The following AHCY variants were observed in gnomAD, a reference collection of about 807,000 sequenced individuals.
AHCY encodes S-adenosyl-L-homocysteine hydrolase.
A neutral mutation model predicts 45.4 loss-of-function variants in AHCY; 24 were observed. The observed-to-expected ratio is 0.53, with a 90% CI of 0.38 to 0.74. The LOEUF (loss-of-function observed/expected upper bound fraction) is 0.74, where lower values mean the gene tolerates loss of function less well. Among genes scored for constraint, AHCY ranks in the 30% least tolerant of loss-of-function variants. AHCY has a pLI of 0.00. For missense variants in AHCY, 449 were observed against 594.1 expected (o/e 0.76, Z 2.54); for synonymous variants, 245 against 235.1 (o/e 1.04, Z -0.39).
chr20:34,252,090 G>A, the AHCY span, among the ~76,000 whole-genome samples: 2 of 152,210 alleles, frequency 1.3e-5, no homozygotes, highest in Non-Finnish European at 2.9e-5. Context: ...TCTATAGTGA[G>A]TCATATAGTC....
Position 34,280,683 on chromosome 20 carries a change from G to C in AHCY, c.*351C>G. On this transcript the variant is annotated 3_prime_UTR_variant, in exon 10 of 10. Coordinates refer to ENST00000217426, the MANE Select transcript of AHCY (RefSeq NM_000687.4). ...CCAAGCACACAGGTATAAGTCCACA[G>C]ACCAGGTGAAGGCCTAGATGGCAAA... 5 of 370,768 alleles carry C rather than the reference G, an allele frequency of 1.3e-5. No homozygotes were observed. The highest frequency in any genetic ancestry group is 1.2e-4 in the South Asian group (5 of 42,954). The allele number at this position is 370,768 out of a possible 1,614,324, so 23.0% of individuals were successfully genotyped here.
the AHCY span, among the ~76,000 whole-genome samples, chr20:34,237,373 C>G: frequency 6.6e-6 from 1 of 152,146 alleles, no homozygotes; most frequent in African/African-American, 2.4e-5. Context: ...TGTCATTGTA[C>G]ACATCTTTCA....
At chr20:34,235,726 G>A in the AHCY span, among the ~76,000 whole-genome samples, 1 of 147,362 alleles carries the variant, frequency 6.8e-6, no homozygotes, top group Admixed American at 6.9e-5. Context: ...CGTGGCTGAA[G>A]TGGGCTCATG....
At position 34,285,604 on chromosome 20, in the gene AHCY, G is replaced by A. The variant is rs565486330; in HGVS notation, c.1003C>T (p.Arg335Cys). Reference protein sequence around the residue: ...VDRYRLKNGRRIILLAEGRLV... With the variant: ...VDRYRLKNGRCIILLAEGRLV... ...CGACCCTCGGCCAGCAGGATGATGC[G>A]GCGCCCATTCTTCAACCGATACCGG... The change falls in exon 9 of 10, where the codon CGC becomes TGC. Residue 335 changes from arginine to cysteine, a missense_variant. Coordinates refer to ENST00000217426, the MANE Select transcript of AHCY (RefSeq NM_000687.4). The A allele has an allele frequency of 1.6e-4, 255 of 1,613,932 alleles. 2 individuals carry two copies. In the South Asian group the frequency reaches 2.4e-3, roughly 15 times the overall value.
intron 3 of AHCY, chr20:34,293,586 T>C: frequency 3.6e-6 from 1 of 274,280 alleles, no homozygotes. Flanking sequence ...CTGTGGTTGG[T>C]TAGAAGCAAT....
rs767274069 is a variant in AHCY, at chr20:34,285,580, G to A, written c.1027C>T (p.Arg343Trp). The A allele has an allele frequency of 1.9e-6, 3 of 1,614,098 alleles. No individual in the cohort carries two copies. The highest frequency in any genetic ancestry group is 2.2e-5 in the East Asian group (1 of 44,880). ...GRRIILLAEGRLVNLGCAMGH... is the reference protein window; with the variant it reads ...GRRIILLAEGWLVNLGCAMGH... ...ATGGCACAACCCAGGTTGACCAGCC[G>A]ACCCTCGGCCAGCAGGATGATGCGG... The change falls in exon 9 of 10, where the codon CGG becomes TGG. Residue 343 changes from arginine (R) to tryptophan (W), a missense_variant. By Grantham distance (101) the Arg-to-Trp change is moderately radical. Coordinates refer to ENST00000217426, the MANE Select transcript of AHCY (RefSeq NM_000687.4).
chr20:34,234,160 T>C, the AHCY span, among the ~76,000 whole-genome samples: 4 of 152,138 alleles, frequency 2.6e-5, no homozygotes, highest in African/African-American at 4.8e-5. Context: ...TTCTAGTTGG[T>C]CTCATCAGAG....
chr20:34,234,308 T>A, the AHCY span, among the ~76,000 whole-genome samples: 1 of 152,160 alleles, frequency 6.6e-6, no homozygotes, highest in Non-Finnish European at 1.5e-5. Context: ...ACAAGACCAC[T>A]AGTGCCTAAG....
chr20:34,263,870 C>T, the AHCY span, among the ~76,000 whole-genome samples: 158 of 151,772 alleles, frequency 1.0e-3, 1 homozygote, highest in African/African-American at 3.8e-3. Flanking sequence ...GGGGTTTCGC[C>T]AAGTTTGTCA....
intron 3 of AHCY, among the ~76,000 whole-genome samples, chr20:34,292,769 A>G (rs2036442169): frequency 6.6e-6 from 1 of 152,236 alleles, no homozygotes; most frequent in Admixed American, 6.5e-5. Context: ...CTCTGTAAAT[A>G]GGGCTCACAA....
the AHCY span, among the ~76,000 whole-genome samples, chr20:34,257,545 T>C: frequency 6.6e-6 from 1 of 152,114 alleles, no homozygotes; most frequent in African/African-American, 2.4e-5. Context: ...TTTAAATATA[T>C]ATTTAATTTT....
the AHCY span, among the ~76,000 whole-genome samples, chr20:34,258,736 A>G: frequency 3.4e-5 from 3 of 89,440 alleles, no homozygotes; most frequent in African/African-American, 9.2e-5. Context: ...TATATATAGT[A>G]TATATATACT....
At chr20:34,307,864 T>C (rs1397103213), upstream of AHCY, among the ~76,000 whole-genome samples, 1 of 152,074 alleles carries the variant, frequency 6.6e-6, no homozygotes, top group Non-Finnish European at 1.5e-5. Flanking sequence ...AACTGGTGAG[T>C]TGGGGGTTTG....
the AHCY span, chr20:34,260,369 C>T: frequency 6.2e-7 from 1 of 1,612,866 alleles, no homozygotes; most frequent in East Asian, 2.2e-5. Flanking sequence ...ACTCAGGCCT[C>T]CTGGGATGGA....
At chr20:34,260,332 C>T in the AHCY span, 1 of 1,593,170 alleles carries the variant, frequency 6.3e-7, no homozygotes, top group Non-Finnish European at 8.6e-7. Context: ...ACCCCTGACC[C>T]ACCCACCTGA....
At chr20:34,286,891 T>C (rs2122737734) in intron 8 of AHCY, among the ~76,000 whole-genome samples, 1 of 150,908 alleles carries the variant, frequency 6.6e-6, no homozygotes, top group South Asian at 2.1e-4. Context: ...GAGACTCCTA[T>C]TCCTGTGGCC....
the AHCY span, among the ~76,000 whole-genome samples, chr20:34,258,326 T>TA: frequency 6.7e-5 from 10 of 149,692 alleles, no homozygotes; most frequent in African/African-American, 2.5e-4. Flanking sequence ...GTGGAACACA[T>TA]AGGGTCTCCG....
chr20:34,311,375 C>G (rs1051947847), intron 1 of AHCY: 2 of 152,300 alleles, frequency 1.3e-5, no homozygotes, highest in Non-Finnish European at 2.9e-5. Context: ...GTTGATGTCC[C>G]TTCTCCAGGT....
At chr20:34,285,312 G>A (rs747587789) in intron 9 of AHCY, 128 bp downstream of exon 9, 3 of 999,384 alleles carry the variant, frequency 3.0e-6, no homozygotes, top group African/African-American at 3.2e-5. Flanking sequence ...CTTCTGCACT[G>A]TAGAGGACCC....
Sources: allele counts gnomAD v4.1 joint callset (sites outside exome capture counted in the v4.1 genomes callset), GRCh38; gene constraint gnomAD v4.1.1; transcripts MANE v1.5; gene names NCBI Gene and HGNC (gene_info 2026-07-23, HGNC 2026-07-21).